The following CCNY variants were observed in gnomAD, a reference collection of about 807,000 sequenced individuals.
CCNY encodes cyclin Y.
CCNY carries 19 observed loss-of-function variants against 42.8 expected under a neutral mutation model. That is an observed-to-expected ratio of 0.44 (90% CI 0.31 to 0.65). The LOEUF (loss-of-function observed/expected upper bound fraction) is 0.65, where lower values mean the gene tolerates loss of function less well. CCNY is among the 30% of genes least tolerant of loss of function. The pLI, the probability that CCNY is intolerant of heterozygous loss-of-function variation, is 0.07. For synonymous variants in CCNY, 165 were observed against 162.7 expected (o/e 1.01, Z -0.11); for missense variants, 370 against 437.3 (o/e 0.85, Z 1.37).
intron 1 of CCNY, chr10:35,449,678 C>T (rs564346694): frequency 2.5e-5 from 21 of 856,610 alleles, no homozygotes; most frequent in African/African-American, 3.7e-5. Context: ...GTAGGGGGGC[C>T]GGCCCCAGGG....
rs144344119 is a variant in CCNY at position 35,471,418 on chromosome 10, A to G, written c.155-11986A>G. 7.5e-3 allele frequency among the ~76,000 whole-genome samples: 1,149 copies of G among 152,250 alleles called. 13 individuals carry two copies. Among genetic ancestry groups the G allele is most frequent in the African/African-American group, 0.026 (1,078 of 41,544 alleles). The stretch of plus-strand genomic sequence containing the variant: ...ATGATGGCTGCTTTTCTTAGCCACT[A>G]TCTTATTACCTGGATCCTTTATAAC... On this transcript the variant is annotated intron_variant, in intron 1 of 9. Coordinates refer to ENST00000374704, the MANE Select transcript of CCNY (RefSeq NM_145012.6).
chr10:35,373,096 A>G (rs1440183218), intron 1 of CCNY, among the ~76,000 whole-genome samples: 1 of 152,256 alleles, frequency 6.6e-6, no homozygotes, highest in African/African-American at 2.4e-5. Context: ...AATAAAATGT[A>G]GTAAGAAAAC....
chr10:35,568,778 G>A (rs896312697), intron 9 of CCNY, among the ~76,000 whole-genome samples: 4 of 152,244 alleles, frequency 2.6e-5, no homozygotes, highest in African/African-American at 7.2e-5. Flanking sequence ...GGGAGCCAGC[G>A]TTGACCCTGG....
At chr10:35,345,230 G>C (rs1335124804) in intron 1 of CCNY, among the ~76,000 whole-genome samples, 1 of 152,160 alleles carries the variant, frequency 6.6e-6, no homozygotes, top group African/African-American at 2.4e-5. Context: ...ATCCTCTCCA[G>C]CACCTGTTGT....
At chr10:35,376,370 A>G (rs1837052624) in intron 1 of CCNY, among the ~76,000 whole-genome samples, 4 of 152,248 alleles carry the variant, frequency 2.6e-5, no homozygotes, top group Non-Finnish European at 2.9e-5. Context: ...AAATGTACAC[A>G]GCATTATTGG....
chr10:35,564,339 G>T (rs936688661), intron 8 of CCNY, among the ~76,000 whole-genome samples: 1 of 152,062 alleles, frequency 6.6e-6, no homozygotes, highest in Non-Finnish European at 1.5e-5. Flanking sequence ...CCTGCCCACA[G>T]GTCCCAGTGC....
intron 3 of CCNY, among the ~76,000 whole-genome samples, chr10:35,507,398 A>C: frequency 6.6e-6 from 1 of 152,294 alleles, no homozygotes; most frequent in South Asian, 2.1e-4. Flanking sequence ...TCAGTTTTAA[A>C]CCAATATTCT....
At chr10:35,482,025 A>G (rs1297585835) in intron 1 of CCNY, among the ~76,000 whole-genome samples, 1 of 152,234 alleles carries the variant, frequency 6.6e-6, no homozygotes, top group Non-Finnish European at 1.5e-5. Flanking sequence ...TTGAAGTAGC[A>G]TCTGTTTAAG....
chr10:35,463,746 T>TC (rs1589136988), intron 1 of CCNY, among the ~76,000 whole-genome samples: 1 of 152,218 alleles, frequency 6.6e-6, no homozygotes, highest in Non-Finnish European at 1.5e-5. Context: ...AATCAAAGGC[T>TC]CTGACAGTAA....
intron 3 of CCNY, chr10:35,327,626 C>T (rs187981164): frequency 1.3e-5 from 2 of 152,282 alleles, no homozygotes; most frequent in East Asian, 3.9e-4. Context: ...ACAATGTTCA[C>T]TTTTAGGGTA....
In CCNY at chr10:35,553,034, C is replaced by CT; in HGVS notation, c.599dup (p.Leu200PhefsTer30). 6.2e-7 allele frequency: 1 copy of CT among 1,614,070 alleles called. No homozygotes were observed. The highest frequency in any genetic ancestry group is 2.2e-5 in the East Asian group (1 of 44,888). ...GTCTTCCCAGGTGTACCTTGAAAGA[C>CT]TTTTAACATACGCAGAGATAGATAT... On this transcript the variant is annotated frameshift_variant, in exon 8 of 10. Transcript: ENST00000374704. LOFTEE classifies it high-confidence loss of function.
chr10:35,322,753 A>G (rs1835835186), intron 3 of CCNY, among the ~76,000 whole-genome samples: 1 of 152,232 alleles, frequency 6.6e-6, no homozygotes, highest in East Asian at 1.9e-4. Flanking sequence ...ATCATTAGCC[A>G]TCAGGGAAAT....
At chr10:35,489,498 C>T (rs534857584) in intron 2 of CCNY, among the ~76,000 whole-genome samples, 1 of 152,198 alleles carries the variant, frequency 6.6e-6, no homozygotes, top group East Asian at 1.9e-4. Flanking sequence ...GATGGGGTTT[C>T]ACCATGTTAG....
At chr10:35,278,337 C>T (rs1330638597) in intron 3 of CCNY, among the ~76,000 whole-genome samples, 4 of 152,026 alleles carry the variant, frequency 2.6e-5, no homozygotes, top group South Asian at 2.1e-4. Flanking sequence ...CTGGAGAATA[C>T]GCCAGAGGAA....
In CCNY at chr10:35,253,414, A is replaced by AAT. The variant is rs775450185; in HGVS notation, c.-9+2788_-9+2789insAT. 1.0e-3 allele frequency among the ~76,000 whole-genome samples: 93 copies of AAT among 89,028 alleles called. 3 individuals carry two copies. The highest frequency in any genetic ancestry group is 2.3e-3 in the African/African-American group (49 of 21,182). The allele number at this position is 89,028 out of a possible 152,430, so 58.4% of individuals were successfully genotyped here. A position where few individuals can be genotyped will look rare whatever the true frequency, so the allele number is the denominator to read the frequency against. ...ACAGGCATGCACCAGCATGCTCACT[A>AAT]TTTTTTTTTTTTTTTTTTTTTTTTT... On this transcript the variant is annotated intron_variant, in intron 3 of 11. Transcript: ENST00000374706.
At position 35,413,164 on chromosome 10, in the gene CCNY, A is replaced by C. The variant is rs143010823; in HGVS notation, c.155-70240A>C. 3.0e-3 allele frequency among the ~76,000 whole-genome samples: 464 copies of C among 152,258 alleles called. 5 individuals carry two copies. Among genetic ancestry groups the C allele is most frequent in the African/African-American group, 0.011 (453 of 41,542 alleles). On this transcript the variant is annotated intron_variant, in intron 1 of 9. Transcript: ENST00000374704. ...GGACACTTGGGAGCTAGATTAGAAG[A>C]AGCCAAGACTAGAATCGGGGAGATG...
At chr10:35,299,768 G>T (rs78536711) in intron 3 of CCNY, among the ~76,000 whole-genome samples, 1 of 151,988 alleles carries the variant, frequency 6.6e-6, no homozygotes, top group African/African-American at 2.4e-5. Context: ...TTACTGATAC[G>T]GTTAGGTTTA....
At chr10:35,436,822 C>T (rs2135288514) in intron 1 of CCNY, among the ~76,000 whole-genome samples, 1 of 152,162 alleles carries the variant, frequency 6.6e-6, no homozygotes, top group Middle Eastern at 3.4e-3. Context: ...TTTACAGGTT[C>T]ATGATCTATA....
intron 1 of CCNY, among the ~76,000 whole-genome samples, chr10:35,389,041 A>G (rs1157555834): frequency 6.6e-6 from 1 of 152,202 alleles, no homozygotes; most frequent in Non-Finnish European, 1.5e-5. Flanking sequence ...CAGTGGATTA[A>G]CAACTTTAAT....
Sources: allele counts gnomAD v4.1 joint callset (sites outside exome capture counted in the v4.1 genomes callset), GRCh38; gene constraint gnomAD v4.1.1; transcripts MANE v1.5; gene names NCBI Gene and HGNC (gene_info 2026-07-23, HGNC 2026-07-21).